NCOA3: variants seen among roughly 807,000 people sequenced by gnomAD.
NCOA3 encodes the protein nuclear receptor coactivator 3.
NCOA3 carries 51 observed loss-of-function variants against 158.8 expected under a neutral mutation model. That is an observed-to-expected ratio of 0.32 (90% CI 0.26 to 0.41). The LOEUF is 0.41. Ranked by LOEUF, NCOA3 falls within the 10% of genes least tolerant of loss-of-function variation. NCOA3 has a pLI of 1.00. For synonymous variants in NCOA3, 537 were observed against 592.4 expected, an observed-to-expected ratio of 0.91 and a Z score of 1.36; for missense variants, 1,510 against 1,746.6, an observed-to-expected ratio of 0.86 and a Z score of 2.41.
In NCOA3 at chr20:47,652,470, G is replaced by A. The variant is rs373083684; in HGVS notation, c.4011G>A (p.Ser1337=). 3.0e-5 allele frequency: 48 copies of A among 1,613,870 alleles called. No homozygotes were observed. Among genetic ancestry groups the A allele is most frequent in the African/African-American group, 4.0e-5 (3 of 74,890 alleles). ...RVSSPPNAMM[S]SRMGPSQNPM... is the part of the protein sequence containing the mutation. ...CTAGTCCTCCCAATGCAATGATGTCGTCAAGAATGGGTCCCTCCCAGAATC... is the reference window on the plus strand; with the variant it reads ...CTAGTCCTCCCAATGCAATGATGTCATCAAGAATGGGTCCCTCCCAGAATC... The change falls in exon 21 of 23, where the codon TCG becomes TCA. Residue 1337 remains serine (S), a synonymous_variant. Coordinates refer to ENST00000371998, the MANE Select transcript of NCOA3 (RefSeq NM_181659.3).
chr20:47,563,763 C>T (rs1032562321), intron 1 of NCOA3, among the ~76,000 whole-genome samples: 4 of 151,806 alleles, frequency 2.6e-5, no homozygotes, highest in African/African-American at 9.7e-5. Context: ...GTGGCAGGCG[C>T]CTGTAGACCC....
At chr20:47,560,550 A>C (rs2085082614) in intron 1 of NCOA3, among the ~76,000 whole-genome samples, 1 of 152,158 alleles carries the variant, frequency 6.6e-6, no homozygotes, top group African/African-American at 2.4e-5. Flanking sequence ...CTGCATGCTC[A>C]CAACATTTGG....
chr20:47,624,813 C>T (rs2086295812), intron 4 of NCOA3, among the ~76,000 whole-genome samples: 1 of 152,150 alleles, frequency 6.6e-6, no homozygotes, highest in Non-Finnish European at 1.5e-5. Context: ...CGCTTTGTCT[C>T]TCGGGCTGGA....
At chr20:47,630,664 A>G (rs1177245201) in intron 8 of NCOA3, 2 of 152,030 alleles carry the variant, frequency 1.3e-5, no homozygotes, top group Admixed American at 6.6e-5. Context: ...GGGTTTCACC[A>G]TGTTAGCCAG....
chr20:47,652,363 A>C (rs2086809680), intron 20 of NCOA3, 43 bp from the exon 21 acceptor site: 1 of 1,536,420 alleles, frequency 6.5e-7, no homozygotes, highest in East Asian at 2.3e-5. Flanking sequence ...TCTAAGGAGA[A>C]GGCATTTGGG....
At chr20:47,550,423 A>C (rs1478790371) in intron 1 of NCOA3, among the ~76,000 whole-genome samples, 1 of 148,574 alleles carries the variant, frequency 6.7e-6, no homozygotes, top group Non-Finnish European at 1.5e-5. Context: ...CAGCCTGGGC[A>C]ACAAGAGCAA....
intron 1 of NCOA3, among the ~76,000 whole-genome samples, chr20:47,502,702 CT>C (rs3083969): frequency 1.3e-3 from 185 of 139,214 alleles, no homozygotes; most frequent in Admixed American, 1.3e-3. Context: ...TTTATTACTA[CT>C]TTTTTTTTTT....
intron 1 of NCOA3, among the ~76,000 whole-genome samples, chr20:47,566,403 C>T (rs1395981264): frequency 1.3e-5 from 2 of 152,240 alleles, no homozygotes; most frequent in East Asian, 1.9e-4. Flanking sequence ...CTGGAACAGT[C>T]GTGTGGTTGG....
intron 2 of NCOA3, among the ~76,000 whole-genome samples, chr20:47,599,442 A>T (rs1830007296): frequency 6.6e-6 from 1 of 152,186 alleles, no homozygotes; most frequent in Admixed American, 6.6e-5. Context: ...TCTTTTTGGG[A>T]TAATGAAAAT....
chr20:47,593,068 G>C (rs142310915), intron 2 of NCOA3, among the ~76,000 whole-genome samples: 10 of 151,928 alleles, frequency 6.6e-5, no homozygotes, highest in East Asian at 5.8e-4. Context: ...CAAGTAGCTC[G>C]GGTTACAGGC....
At chr20:47,639,501 A>C (rs528091479) in intron 14 of NCOA3, 76 bp from the exon 15 acceptor site, 1 of 1,555,698 alleles carries the variant, frequency 6.4e-7, no homozygotes, top group Non-Finnish European at 8.7e-7. Context: ...TGTTGTGTAT[A>C]ATGGCTGTAC....
chr20:47,633,866 G>T (rs2086462302), intron 9 of NCOA3, among the ~76,000 whole-genome samples, 182 bp from the exon 10 acceptor site: 1 of 152,158 alleles, frequency 6.6e-6, no homozygotes, highest in South Asian at 2.1e-4. Context: ...TCTCTTGTTG[G>T]TGAGGGGTAG....
In NCOA3 at chr20:47,654,137, T is replaced by C. The variant is rs1326309672; in HGVS notation, c.*720T>C. The C allele has an allele frequency of 1.3e-5, 2 of 152,692 alleles. No homozygotes were observed. Among genetic ancestry groups the C allele is most frequent in the Non-Finnish European group, 2.9e-5 (2 of 68,042 alleles). The allele number at this position is 152,692 out of a possible 1,614,324, so 9.5% of individuals were successfully genotyped here. On this transcript the variant is annotated 3_prime_UTR_variant, in exon 23 of 23. Transcript: ENST00000371998. ...TGCTAATGTGCAGCTGAGTGCACTT[T>C]ATTTAAAAAGAATGGATAAATGCAA...
chr20:47,509,862 C>A (rs1055120707), intron 1 of NCOA3, among the ~76,000 whole-genome samples: 3 of 152,214 alleles, frequency 2.0e-5, no homozygotes, highest in African/African-American at 7.2e-5. Context: ...TCATCTATTT[C>A]CTTTTACTTG....
At chr20:47,596,516 C>A in intron 2 of NCOA3, among the ~76,000 whole-genome samples, 1 of 152,130 alleles carries the variant, frequency 6.6e-6, no homozygotes, top group East Asian at 1.9e-4. Flanking sequence ...AAGTTTTAAA[C>A]AAACTTGATT....
Position 47,651,198 on chromosome 20 carries a change from C to T in NCOA3, c.3868C>T (p.Pro1290Ser). The T allele has an allele frequency of 6.2e-7, 1 of 1,614,016 alleles. No homozygotes were observed. Among genetic ancestry groups the T allele is most frequent in the East Asian group, 2.2e-5 (1 of 44,896 alleles). ...FSPPPNVTAS[P>S]SMDGLLAGPT... is the part of the protein sequence containing the mutation. ...CCCACCTCCTAATGTGACTGCTTCC[C>T]CCAGCATGGATGGGCTTTTGGCAGG... The change falls in exon 20 of 23, where the codon CCC becomes TCC. Residue 1290 changes from proline (P) to serine (S), a missense_variant. Transcript: ENST00000371998.
At chr20:47,588,958 A>G (rs6094742) in intron 2 of NCOA3, among the ~76,000 whole-genome samples, 31,026 of 151,998 alleles carry the variant, frequency 0.2, 3,500 homozygotes, top group African/African-American at 0.28. Flanking sequence ...GTGCAATCTC[A>G]GCTCACTGCA....
intron 2 of NCOA3, among the ~76,000 whole-genome samples, chr20:47,589,519 G>C (rs1020516171): frequency 2.6e-5 from 4 of 151,974 alleles, no homozygotes; most frequent in African/African-American, 9.7e-5. Flanking sequence ...GGGATTACAG[G>C]TGCCCACTAC....
chr20:47,647,134 A>G lies in NCOA3; in HGVS notation c.3314A>G (p.Asp1105Gly). The change falls in exon 18 of 23, where the codon GAT becomes GGT. Residue 1105 changes from aspartate to glycine, a missense_variant. By Grantham distance (94) the Asp-to-Gly change is moderately conservative. Around this residue, in one of 4 missense-constraint regions of NCOA3, gnomAD observed 1,017 missense variants for 1,098.3 expected, o/e 0.93. Transcript: ENST00000371998. ...GGCCAAGAAGCAGCAGTAATGATGG[A>G]TCAGAAGGCAGGATTATATGGACAG... Reference protein sequence around the residue: ...FQGQEAAVMMDQKAGLYGQTY... With the variant: ...FQGQEAAVMMGQKAGLYGQTY... 6.2e-7 allele frequency: 1 copy of G among 1,614,178 alleles called. No individual in the cohort carries two copies. Among genetic ancestry groups the G allele is most frequent in the Non-Finnish European group, 8.5e-7 (1 of 1,180,006 alleles).
Sources: allele counts gnomAD v4.1 joint callset (sites outside exome capture counted in the v4.1 genomes callset), GRCh38; gene constraint gnomAD v4.1.1; regional missense constraint gnomAD v4.1.1; transcripts MANE v1.5; gene names NCBI Gene and HGNC (gene_info 2026-07-23, HGNC 2026-07-21).